Variants in WARS1 observed in about 807,000 individuals in gnomAD.
The protein encoded by WARS1 is tryptophanyl-tRNA synthetase 1.
A neutral mutation model predicts 47.8 loss-of-function variants in WARS1; 17 were observed. The observed-to-expected ratio is 0.36, with a 90% confidence interval of 0.24 to 0.53. WARS1 has a LOEUF of 0.53. WARS1 is among the 20% of genes least tolerant of loss of function. The pLI is 0.91. For missense variants in WARS1, 434 were observed against 608.0 expected, an observed-to-expected ratio of 0.71 and a Z score of 3.01; for synonymous variants, 208 against 228.1, an observed-to-expected ratio of 0.91 and a Z score of 0.79.
intron 4 of WARS1, among the ~76,000 whole-genome samples, chr14:100,357,272 T>C (rs1895379483): frequency 6.6e-6 from 1 of 152,040 alleles, no homozygotes; most frequent in African/African-American, 2.4e-5. Flanking sequence ...CTATTGAAAG[T>C]TGAAGTCAGA....
chr14:100,360,679 G>A lies in WARS1; in HGVS notation c.314-17C>T, dbSNP rs1379862958. The A allele has an allele frequency of 2.5e-6, 4 of 1,592,636 alleles. No individual in the cohort carries two copies. The highest frequency in any genetic ancestry group is 3.4e-6 in the Non-Finnish European group (4 of 1,162,562). ...CAAACCGAACTGGAAAAAAAGAAAAGATGACTTTCTTAGGTGGCAGGAGGT... is the reference window on the plus strand; with the variant it reads ...CAAACCGAACTGGAAAAAAAGAAAAAATGACTTTCTTAGGTGGCAGGAGGT... On this transcript the variant is annotated splice_polypyrimidine_tract_variant and intron_variant, in intron 3 of 10. Coordinates refer to ENST00000392882, the MANE Select transcript of WARS1 (RefSeq NM_004184.4).
rs78058040 is a variant in WARS1 at position 100,365,677 on chromosome 14, C to T, written c.99+3410G>A. 24 of 174,616 alleles carry T rather than the reference C, an allele frequency of 1.4e-4. No homozygotes were observed. The East Asian group carries it at 1.9e-3, about 14-fold the overall frequency. 10.8% of individuals were successfully genotyped at this position (174,616 alleles called of 1,614,324 possible). A position where few individuals can be genotyped will look rare whatever the true frequency, so the allele number is the denominator to read the frequency against. On this transcript the variant is annotated intron_variant, in intron 2 of 10. Coordinates refer to ENST00000392882, the MANE Select transcript of WARS1 (RefSeq NM_004184.4). ...AATGCTTATGTTCTAGTTAAAGATG[C>T]GTATTGATGATGATATTTCTGAAAT...
At chr14:100,345,261 C>T (rs1279611540) in intron 7 of WARS1, among the ~76,000 whole-genome samples, 4 of 151,728 alleles carry the variant, frequency 2.6e-5, no homozygotes, top group Non-Finnish European at 4.4e-5. Flanking sequence ...ATTGAGAAAT[C>T]GGATGGTTGC....
intron 2 of WARS1, chr14:100,366,993 C>T (rs373851437): frequency 3.6e-5 from 43 of 1,205,998 alleles, no homozygotes; most frequent in South Asian, 3.5e-4. Flanking sequence ...GTAGCCTACT[C>T]GTCTGGTTTG....
intron 1 of WARS1, among the ~76,000 whole-genome samples, chr14:100,372,556 CTCAGG>C (rs2140102111): frequency 1.3e-5 from 2 of 152,280 alleles, no homozygotes; most frequent in East Asian, 3.9e-4. Flanking sequence ...AGAGAGAACT[CTCAGG>C]CTCTCCCATT....
At chr14:100,344,547 G>C (rs75590582) in intron 7 of WARS1, among the ~76,000 whole-genome samples, 1 of 149,886 alleles carries the variant, frequency 6.7e-6, no homozygotes. Context: ...GCCGCCCATC[G>C]TCTGGGACGT....
At chr14:100,344,897 T>A (rs1378985285) in intron 7 of WARS1, among the ~76,000 whole-genome samples, 1 of 150,378 alleles carries the variant, frequency 6.6e-6, no homozygotes, top group Non-Finnish European at 1.5e-5. Flanking sequence ...AGCCACCCCG[T>A]CTGGGAAGTG....
intron 7 of WARS1, 33 bp from the exon 8 acceptor site, chr14:100,343,420 G>T: frequency 6.5e-7 from 1 of 1,532,002 alleles, no homozygotes; most frequent in Non-Finnish European, 9.0e-7. Flanking sequence ...TTACACGTGA[G>T]ATGAGTTCCT....
At chr14:100,336,286 A>AAAAG (rs1399391343) in intron 10 of WARS1, among the ~76,000 whole-genome samples, 2 of 150,992 alleles carry the variant, frequency 1.3e-5, no homozygotes, top group African/African-American at 4.9e-5. Context: ...AAAAAAAAAA[A>AAAAG]AAAAAGAAAG....
intron 2 of WARS1, chr14:100,365,840 C>G (rs1895952397): frequency 2.9e-6 from 1 of 346,700 alleles, no homozygotes; most frequent in Non-Finnish European, 5.7e-6. Context: ...CAGTGCCTAA[C>G]AGCATGAGAG....
At chr14:100,360,762 T>A in intron 3 of WARS1, 100 bp from the exon 4 acceptor site, 1 of 840,428 alleles carries the variant, frequency 1.2e-6, no homozygotes, top group Non-Finnish European at 1.9e-6. Flanking sequence ...TGCACAATCT[T>A]AATGAACACA....
chr14:100,361,963 T>C (rs1895690717), intron 2 of WARS1, 42 bp from the exon 3 acceptor site: 1 of 1,596,320 alleles, frequency 6.3e-7, no homozygotes. Context: ...GTATTACTAA[T>C]AGCTGATATG....
intron 2 of WARS1, among the ~76,000 whole-genome samples, chr14:100,362,882 C>A (rs1192887538): frequency 6.6e-6 from 1 of 152,216 alleles, no homozygotes; most frequent in Non-Finnish European, 1.5e-5. Flanking sequence ...GATAACTATT[C>A]CATCAGATAT....
intron 4 of WARS1, among the ~76,000 whole-genome samples, chr14:100,359,408 G>A (rs1321431274): frequency 6.6e-6 from 1 of 152,184 alleles, no homozygotes; most frequent in African/African-American, 2.4e-5. Context: ...AGTAAAAGAA[G>A]CCAGACACAA....
chr14:100,361,438 C>T (rs1473072286), intron 3 of WARS1, among the ~76,000 whole-genome samples: 1 of 152,164 alleles, frequency 6.6e-6, no homozygotes, highest in Non-Finnish European at 1.5e-5. Context: ...TTCCCAAGTT[C>T]TGAAGTGCTC....
intron 2 of WARS1, among the ~76,000 whole-genome samples, chr14:100,367,148 T>G (rs988771214): frequency 6.6e-6 from 1 of 151,362 alleles, no homozygotes; most frequent in Non-Finnish European, 1.5e-5. Flanking sequence ...TCCTGGAAGT[T>G]AAAAATGATA....
chr14:100,349,698 C>T (rs1303469876), intron 6 of WARS1, among the ~76,000 whole-genome samples: 1 of 152,228 alleles, frequency 6.6e-6, no homozygotes, highest in Non-Finnish European at 1.5e-5. Flanking sequence ...ACTCCCAGCT[C>T]AGTGCCTTTG....
At chr14:100,372,156 C>T (rs984112496) in intron 1 of WARS1, among the ~76,000 whole-genome samples, 1 of 152,058 alleles carries the variant, frequency 6.6e-6, no homozygotes. Context: ...ACTCCTATCT[C>T]CCTTCCATGA....
chr14:100,372,476 G>A (rs1048732117), intron 1 of WARS1, among the ~76,000 whole-genome samples: 3 of 152,200 alleles, frequency 2.0e-5, no homozygotes, highest in Non-Finnish European at 4.4e-5. Context: ...GAGGTTTGGT[G>A]AGATAACTGA....
Sources: allele counts gnomAD v4.1 joint callset (sites outside exome capture counted in the v4.1 genomes callset), GRCh38; gene constraint gnomAD v4.1.1; transcripts MANE v1.5; gene names NCBI Gene and HGNC (gene_info 2026-07-23, HGNC 2026-07-21).